The following CDH23 variants were observed in gnomAD, a reference collection of about 807,000 sequenced individuals.
The protein encoded by CDH23 is cadherin-23.
Under a neutral mutation model 317.1 loss-of-function variants are expected in CDH23, and 189 were observed. The ratio of observed to expected loss-of-function variants is 0.60; its 90% confidence interval spans 0.53 to 0.67. The LOEUF is 0.67. Among genes scored for constraint, CDH23 ranks in the 30% least tolerant of loss-of-function variants. The pLI is 0.00. For missense variants in CDH23, 4,401 were observed against 4,592.4 expected, an observed-to-expected ratio of 0.96 and a Z score of 1.20; for synonymous variants, 1,839 against 1,876.8, an observed-to-expected ratio of 0.98 and a Z score of 0.52.
At position 71,811,301 on chromosome 10, in the gene CDH23, T is replaced by C; in HGVS notation, c.9078-14T>C. ...GGCTGAGGAGGAGAGCTGAGACCCC[T>C]GCCCCTCGCCCAGGGTGATCCAGAT... On this transcript the variant is annotated splice_polypyrimidine_tract_variant and intron_variant, in intron 62 of 69. Coordinates refer to ENST00000224721, the MANE Select transcript of CDH23 (RefSeq NM_022124.6). 1 of 1,613,684 alleles carries C rather than the reference T, an allele frequency of 6.2e-7. No individual in the cohort carries two copies. The highest frequency in any genetic ancestry group is 1.1e-5 in the South Asian group (1 of 91,056).
At chr10:71,813,138 CACCAGGATCAGATGTCCG>C in intron 68 of CDH23, 88 bp from the exon 69 acceptor site, 1 of 1,199,400 alleles carries the variant, frequency 8.3e-7, no homozygotes, top group Admixed American at 2.0e-5. Context: ...GCCCTAGGAT[CACCAGGATCAGATGTCCG>C]TGTACCCCTT....
chr10:71,759,047 T>C (rs1303388897), intron 38 of CDH23, among the ~76,000 whole-genome samples: 1 of 146,780 alleles, frequency 6.8e-6, no homozygotes, highest in Non-Finnish European at 1.5e-5. Context: ...TTTTGGGTTG[T>C]TTTTTTTTTG....
At chr10:71,701,933 C>A (rs1016451166) in intron 22 of CDH23, 89 bp from the exon 23 acceptor site, 2 of 1,406,378 alleles carry the variant, frequency 1.4e-6, no homozygotes, top group Non-Finnish European at 2.0e-6. Flanking sequence ...CTCCCCAGGA[C>A]CAACGTCTGA....
intron 14 of CDH23, 132 bp downstream of exon 14, chr10:71,646,749 G>A (rs748032733): frequency 1.4e-5 from 22 of 1,602,636 alleles, no homozygotes; most frequent in Non-Finnish European, 1.8e-5. Flanking sequence ...AGCTGTGTTT[G>A]TTGGTGTATT....
chr10:71,764,652 G>A (rs970246346), intron 38 of CDH23, among the ~76,000 whole-genome samples: 3 of 152,242 alleles, frequency 2.0e-5, no homozygotes, highest in African/African-American at 4.8e-5. Flanking sequence ...ACTCCAGTTC[G>A]CCAGAGTCCG....
chr10:71,648,474 G>A (rs1208167913), intron 14 of CDH23, among the ~76,000 whole-genome samples: 3 of 152,230 alleles, frequency 2.0e-5, no homozygotes, highest in African/African-American at 7.2e-5. Context: ...TGGGTGTCAG[G>A]GGATTCCTTC....
At chr10:71,618,388 A>C (rs545473956) in intron 11 of CDH23, among the ~76,000 whole-genome samples, 1 of 152,162 alleles carries the variant, frequency 6.6e-6, no homozygotes, top group East Asian at 1.9e-4. Context: ...CGAGGCCTCT[A>C]TTCGGTGGGG....
At chr10:71,695,328 C>G in intron 21 of CDH23, 90 bp from the exon 22 acceptor site, 8 of 890,952 alleles carry the variant, frequency 9.0e-6, no homozygotes, top group Non-Finnish European at 1.5e-5. Context: ...GAAGATTGCC[C>G]GTGGGCATCT....
intron 3 of CDH23, among the ~76,000 whole-genome samples, chr10:71,485,656 G>A (rs371593835): frequency 1.3e-5 from 2 of 152,250 alleles, no homozygotes; most frequent in Admixed American, 6.5e-5. Context: ...GCAGGAGATG[G>A]TCCTACCTCC....
chr10:71,499,290 G>C (rs1311799942), intron 3 of CDH23, among the ~76,000 whole-genome samples: 1 of 152,148 alleles, frequency 6.6e-6, no homozygotes, highest in Admixed American at 6.5e-5. Context: ...AAAAAATATA[G>C]TTAGCTCACA....
intron 66 of CDH23, 177 bp from the exon 67 acceptor site, chr10:71,812,303 G>A: frequency 6.3e-7 from 1 of 1,598,714 alleles, no homozygotes; most frequent in East Asian, 2.2e-5. Flanking sequence ...TGCGGTCCTG[G>A]TTCCAGCAGG....
In CDH23 at chr10:71,490,593, T is replaced by A. The variant is rs115170251; in HGVS notation, c.146-19489T>A. ...GTAACTTTCCAAAGCTGAACAGTAG[T>A]TGATAGCTGAGCCAGGGCTACACGA... On this transcript the variant is annotated intron_variant, in intron 3 of 69. Coordinates refer to ENST00000224721, the MANE Select transcript of CDH23 (RefSeq NM_022124.6). 4.0e-3 allele frequency among the ~76,000 whole-genome samples: 606 copies of A among 152,302 alleles called. 3 individuals carry two copies. The highest frequency in any genetic ancestry group is 0.015 in the South Asian group (74 of 4,828).
chr10:71,554,398 A>G (rs1299473590), intron 6 of CDH23, among the ~76,000 whole-genome samples: 18 of 150,078 alleles, frequency 1.2e-4, no homozygotes, highest in African/African-American at 4.2e-4. Flanking sequence ...TGGTCTCACT[A>G]TGTTGCCCAG....
intron 38 of CDH23, among the ~76,000 whole-genome samples, chr10:71,773,010 A>T (rs1840721297): frequency 6.6e-6 from 1 of 152,202 alleles, no homozygotes; most frequent in South Asian, 2.1e-4. Context: ...CCACCAGAAC[A>T]CACTGACCGC....
intron 11 of CDH23, among the ~76,000 whole-genome samples, chr10:71,627,734 C>T (rs1194504221): frequency 6.6e-6 from 1 of 152,204 alleles, no homozygotes; most frequent in African/African-American, 2.4e-5. Context: ...ACCTGCCTCC[C>T]TGGCAGGCTC....
chr10:71,450,394 T>C (rs1397075467), intron 3 of CDH23, among the ~76,000 whole-genome samples: 2 of 151,694 alleles, frequency 1.3e-5, no homozygotes, highest in Non-Finnish European at 2.9e-5. Context: ...GCCTCCTGGG[T>C]AGCTGGGATT....
chr10:71,693,692 G>C (rs1173423801), intron 20 of CDH23, among the ~76,000 whole-genome samples: 1 of 152,212 alleles, frequency 6.6e-6, no homozygotes, highest in East Asian at 1.9e-4. Flanking sequence ...CTATGAGGTA[G>C]TTCCTATTAT....
chr10:71,516,966 C>T (rs968118766), intron 6 of CDH23, among the ~76,000 whole-genome samples: 5 of 152,182 alleles, frequency 3.3e-5, no homozygotes. Flanking sequence ...GTTCATCCCT[C>T]CCGCCAGACT....
chr10:71,797,127 A>G lies in CDH23; in HGVS notation c.6736A>G (p.Met2246Val). 6.2e-7 allele frequency: 1 copy of G among 1,613,194 alleles called. No individual in the cohort carries two copies. Among genetic ancestry groups the G allele is most frequent in the Non-Finnish European group, 8.5e-7 (1 of 1,179,462 alleles). Residue 2246 changes from methionine to valine, a missense_variant, in exon 49 of 70, where the codon ATG becomes GTG. Around this residue, in one of 3 missense-constraint regions of CDH23, gnomAD observed 3,068 missense variants for 3,203.3 expected, o/e 0.96. Coordinates refer to ENST00000224721, the MANE Select transcript of CDH23 (RefSeq NM_022124.6). Reference sequence around the variant, plus strand: ...AGGATCTGTAATGGTGAAGTCCCCCATGAATCGGGAGCTGGTTGCCACCTA... The same window carrying G: ...AGGATCTGTAATGGTGAAGTCCCCCGTGAATCGGGAGCTGGTTGCCACCTA... ...NTGSVMVKSP[M>V]NRELVATYEV...
Sources: allele counts gnomAD v4.1 joint callset (sites outside exome capture counted in the v4.1 genomes callset), GRCh38; gene constraint gnomAD v4.1.1; regional missense constraint gnomAD v4.1.1; transcripts MANE v1.5; gene names NCBI Gene and HGNC (gene_info 2026-07-23, HGNC 2026-07-21).